The following CENPP variants were observed in gnomAD, a reference collection of about 807,000 sequenced individuals.
The protein encoded by CENPP is centromere protein P.
Under a neutral mutation model 35.6 loss-of-function variants are expected in CENPP, and 24 were observed. The ratio of observed to expected loss-of-function variants is 0.67; its 90% CI spans 0.49 to 0.95. The LOEUF (loss-of-function observed/expected upper bound fraction) is 0.95, where lower values mean the gene tolerates loss of function less well. CENPP is among the 40% of genes least tolerant of loss of function. The pLI is 0.00. For synonymous variants in CENPP, 120 were observed against 125.5 expected (o/e 0.96, Z 0.29); for missense variants, 332 against 345.3 (o/e 0.96, Z 0.31).
chr9:92,384,253 A>G (rs1842341279), intron 5 of CENPP: 1 of 152,192 alleles, frequency 6.6e-6, no homozygotes, highest in South Asian at 2.1e-4. Flanking sequence ...CTTGAGGTCA[A>G]CTTTGACAAA....
chr9:92,354,436 C>T (rs1287763082), intron 4 of CENPP, among the ~76,000 whole-genome samples: 1 of 152,208 alleles, frequency 6.6e-6, no homozygotes, highest in Non-Finnish European at 1.5e-5. Context: ...GGCCACTTTA[C>T]TTTGTTCATG....
At chr9:92,594,593 C>G (rs1474974770) in intron 5 of CENPP, among the ~76,000 whole-genome samples, 1 of 152,116 alleles carries the variant, frequency 6.6e-6, no homozygotes, top group African/African-American at 2.4e-5. Flanking sequence ...AAATCTCTGC[C>G]TAGTATTCAT....
At chr9:92,539,547 T>C (rs1849269125) in intron 5 of CENPP, among the ~76,000 whole-genome samples, 1 of 152,064 alleles carries the variant, frequency 6.6e-6, no homozygotes, top group Non-Finnish European at 1.5e-5. Flanking sequence ...AAATTAAGTA[T>C]AGCCTACTTA....
chr9:92,466,662 C>T (rs1564336734), intron 5 of CENPP: 2 of 1,138,452 alleles, frequency 1.8e-6, no homozygotes, highest in East Asian at 2.4e-5. Context: ...GAAATCAGTA[C>T]AATTTATATC....
At chr9:92,555,984 A>G (rs189243091) in intron 5 of CENPP, among the ~76,000 whole-genome samples, 4 of 151,994 alleles carry the variant, frequency 2.6e-5, no homozygotes, top group Admixed American at 6.6e-5. Context: ...TTGTGACCTT[A>G]GATTGTCTGT....
intron 5 of CENPP, among the ~76,000 whole-genome samples, chr9:92,455,581 A>G (rs1165896687): frequency 6.6e-6 from 1 of 152,094 alleles, no homozygotes; most frequent in Non-Finnish European, 1.5e-5. Flanking sequence ...GACTTTATTT[A>G]CCCATTCTTA....
chr9:92,485,808 G>A (rs920938140), intron 5 of CENPP, among the ~76,000 whole-genome samples: 1 of 152,220 alleles, frequency 6.6e-6, no homozygotes, highest in Admixed American at 6.5e-5. Context: ...TGAGATTACA[G>A]GTGGGAACCA....
chr9:92,337,812 C>T (rs1840977679), intron 3 of CENPP, among the ~76,000 whole-genome samples, 183 bp downstream of exon 3: 1 of 152,188 alleles, frequency 6.6e-6, no homozygotes, highest in Admixed American at 6.5e-5. Flanking sequence ...AGCCCAGCAA[C>T]TGCATATGGT....
At chr9:92,372,082 G>A (rs1842021305) in intron 4 of CENPP, among the ~76,000 whole-genome samples, 1 of 112,628 alleles carries the variant, frequency 8.9e-6, no homozygotes, top group African/African-American at 3.3e-5. Context: ...ACAGGTGTAA[G>A]CCACCATGCC....
At chr9:92,604,290 A>T (rs1851010997) in intron 5 of CENPP, among the ~76,000 whole-genome samples, 1 of 152,202 alleles carries the variant, frequency 6.6e-6, no homozygotes, top group African/African-American at 2.4e-5. Context: ...CCTAATGACT[A>T]ATGATGTATC....
chr9:92,339,634 CAG>C (rs1588039271), intron 3 of CENPP: 2 of 152,916 alleles, frequency 1.3e-5, no homozygotes, highest in East Asian at 3.9e-4. Flanking sequence ...TTCAATGTGT[CAG>C]GGGCATGGGT....
chr9:92,592,321 CACTG>C (rs1850685191), intron 5 of CENPP, among the ~76,000 whole-genome samples: 1 of 152,172 alleles, frequency 6.6e-6, no homozygotes, highest in African/African-American at 2.4e-5. Flanking sequence ...CCAGGGCGAG[CACTG>C]CTGGCTCCTG....
At chr9:92,359,208 CA>C (rs1841674914) in intron 4 of CENPP, among the ~76,000 whole-genome samples, 1 of 152,036 alleles carries the variant, frequency 6.6e-6, no homozygotes, top group African/African-American at 2.4e-5. Context: ...CTTGGCCTTT[CA>C]AAGTGTTGGG....
chr9:92,397,397 G>A (rs763589607), intron 5 of CENPP, among the ~76,000 whole-genome samples: 2 of 152,052 alleles, frequency 1.3e-5, no homozygotes, highest in African/African-American at 2.4e-5. Context: ...GTGCCATCTC[G>A]TCTCACTGCA....
At chr9:92,558,338 T>A (rs867900778) in intron 5 of CENPP, among the ~76,000 whole-genome samples, 2 of 152,182 alleles carry the variant, frequency 1.3e-5, no homozygotes, top group Non-Finnish European at 2.9e-5. Flanking sequence ...GGTGTTCCCT[T>A]GATGTAGTAC....
chr9:92,325,644 C>A (rs879737742), upstream of CENPP: 53 of 267,246 alleles, frequency 2.0e-4, 1 homozygote, highest in Admixed American at 2.3e-3. Context: ...CACGTGATCC[C>A]AGCCCTGCCT....
chr9:92,403,125 A>G (rs1564302052), intron 5 of CENPP: 1 of 658,048 alleles, frequency 1.5e-6, no homozygotes, highest in Non-Finnish European at 2.5e-6. Flanking sequence ...GAATCATTTA[A>G]AGTGATTTTC....
At chr9:92,455,641 TC>T (rs1256854709) in intron 5 of CENPP, among the ~76,000 whole-genome samples, 1 of 152,074 alleles carries the variant, frequency 6.6e-6, no homozygotes, top group Non-Finnish European at 1.5e-5. Flanking sequence ...TGTTGTTCTT[TC>T]CCCCTCGCCC....
intron 5 of CENPP, chr9:92,457,030 C>T: frequency 8.3e-7 from 1 of 1,210,120 alleles, no homozygotes; most frequent in Non-Finnish European, 1.0e-6. Flanking sequence ...AAGGAATGGT[C>T]AAGCATGAGA....
Sources: allele counts gnomAD v4.1 joint callset (sites outside exome capture counted in the v4.1 genomes callset), GRCh38; gene constraint gnomAD v4.1.1; transcripts MANE v1.5; gene names NCBI Gene and HGNC (gene_info 2026-07-23, HGNC 2026-07-21).